Variants in ZBTB7C observed in about 807,000 individuals in gnomAD.
ZBTB7C encodes zinc finger and BTB domain-containing protein 7C.
ZBTB7C carries 8 observed loss-of-function variants against 25.7 expected under a neutral mutation model. The ratio of observed to expected loss-of-function variants is 0.31; its 90% CI spans 0.18 to 0.56. ZBTB7C has a LOEUF of 0.56. ZBTB7C is among the 20% of genes least tolerant of loss of function. ZBTB7C has a pLI of 0.91. For synonymous variants in ZBTB7C, 394 were observed against 369.0 expected, an observed-to-expected ratio of 1.07 and a Z score of -0.78; for missense variants, 824 against 855.2, an observed-to-expected ratio of 0.96 and a Z score of 0.46.
At chr18:48,098,284 C>G (rs769006911) in intron 3 of ZBTB7C, among the ~76,000 whole-genome samples, 4 of 152,192 alleles carry the variant, frequency 2.6e-5, no homozygotes, top group Non-Finnish European at 5.9e-5. Flanking sequence ...GACCAGGTCA[C>G]TGTATGGGGA....
At chr18:48,172,265 G>A (rs1468212242) in intron 3 of ZBTB7C, among the ~76,000 whole-genome samples, 1 of 152,216 alleles carries the variant, frequency 6.6e-6, no homozygotes, top group East Asian at 1.9e-4. Context: ...TGGGTGGGAA[G>A]ATGGGTCTGC....
rs148993136 is a variant in ZBTB7C, at chr18:48,229,851, G to A, written c.-78-43856C>T. ...GGCAGGTGTGGGGCACTGAGGGGGT[G>A]GCCAAGGGGGAACAAGGCTTTCCTT... On this transcript the variant is annotated intron_variant, in intron 2 of 4. Transcript: ENST00000590800. Among the ~76,000 whole-genome samples, 597 of 152,220 alleles carry A rather than the reference G, an allele frequency of 3.9e-3. 1 individual carries two copies. Among genetic ancestry groups the A allele is most frequent in the African/African-American group, 0.013 (560 of 41,550 alleles).
At chr18:48,391,237 C>T (rs534678572) in intron 1 of ZBTB7C, among the ~76,000 whole-genome samples, 65 of 152,318 alleles carry the variant, frequency 4.3e-4, no homozygotes, top group African/African-American at 1.5e-3. Context: ...CCACGGGCCC[C>T]GGCAGGCTGA....
At position 48,040,070 on chromosome 18, in the gene ZBTB7C, G is replaced by A. The variant is rs2036150322; in HGVS notation, c.1038C>T (p.Leu346=). ...CTTCTACCAGGGGCCAGGGTGGGAA[G>A]AGGCCTCCCAGGTGGGTGGCACTCA... ...NFLSATHLGG[L]FPPWPLVEER... Residue 346 remains leucine (L), a synonymous_variant, in exon 4 of 5, where the codon CTC becomes CTT. Transcript: ENST00000590800. 1 of 1,613,370 alleles carries A rather than the reference G, an allele frequency of 6.2e-7. No individual in the cohort carries two copies. The highest frequency in any genetic ancestry group is 8.5e-7 in the Non-Finnish European group (1 of 1,179,594).
chr18:48,265,437 G>T (rs1398564321), intron 2 of ZBTB7C, among the ~76,000 whole-genome samples: 2 of 152,144 alleles, frequency 1.3e-5, no homozygotes, highest in Non-Finnish European at 2.9e-5. Context: ...GTTCATCTCG[G>T]ATTTTCGCTT....
chr18:48,259,401 C>A (rs1275534912), intron 2 of ZBTB7C, among the ~76,000 whole-genome samples: 1 of 147,786 alleles, frequency 6.8e-6, no homozygotes, highest in African/African-American at 2.6e-5. Flanking sequence ...CAAAAGGGAC[C>A]ACTGTCCTTA....
At chr18:48,268,929 T>C (rs1598741832) in intron 2 of ZBTB7C, among the ~76,000 whole-genome samples, 1 of 151,954 alleles carries the variant, frequency 6.6e-6, no homozygotes, top group Non-Finnish European at 1.5e-5. Context: ...ACCAGCAGAT[T>C]TGATGTCTAG....
chr18:48,400,426 G>A (rs528266138), intron 1 of ZBTB7C, among the ~76,000 whole-genome samples: 3 of 152,362 alleles, frequency 2.0e-5, no homozygotes, highest in Admixed American at 6.5e-5. Context: ...AAAGAGGAAT[G>A]GTTCCCTGGG....
intron 2 of ZBTB7C, among the ~76,000 whole-genome samples, chr18:48,188,945 T>C (rs2042129006): frequency 6.6e-6 from 1 of 152,238 alleles, no homozygotes; most frequent in Non-Finnish European, 1.5e-5. Flanking sequence ...CCACAGCCCG[T>C]AATCAATCAC....
At chr18:48,062,327 C>T (rs2037157183) in intron 3 of ZBTB7C, among the ~76,000 whole-genome samples, 1 of 151,970 alleles carries the variant, frequency 6.6e-6, no homozygotes, top group Admixed American at 6.6e-5. Flanking sequence ...CTCCCTCTCC[C>T]CAGGGAGGAC....
chr18:48,399,244 G>A (rs554940821), intron 1 of ZBTB7C, among the ~76,000 whole-genome samples: 3 of 152,340 alleles, frequency 2.0e-5, no homozygotes, highest in South Asian at 4.1e-4. Context: ...ACCATTAATA[G>A]TGGCTGCCTC....
At chr18:48,311,949 C>A (rs2045830824) in intron 2 of ZBTB7C, among the ~76,000 whole-genome samples, 1 of 152,196 alleles carries the variant, frequency 6.6e-6, no homozygotes, top group Non-Finnish European at 1.5e-5. Context: ...GCTATTCTCC[C>A]ACCTACTTAA....
chr18:48,409,935 G>A (rs139636764), upstream of ZBTB7C, among the ~76,000 whole-genome samples: 1 of 149,466 alleles, frequency 6.7e-6, no homozygotes, highest in Admixed American at 6.6e-5. Context: ...CCCAGCGCAG[G>A]CTTGGGACCG....
chr18:48,334,321 G>A (rs2046410091), intron 2 of ZBTB7C, among the ~76,000 whole-genome samples: 1 of 152,142 alleles, frequency 6.6e-6, no homozygotes, highest in African/African-American at 2.4e-5. Context: ...TTAATTCAGA[G>A]GCACTCACCC....
chr18:48,382,506 G>C (rs547059526), intron 1 of ZBTB7C, among the ~76,000 whole-genome samples: 85 of 152,262 alleles, frequency 5.6e-4, no homozygotes, highest in African/African-American at 1.9e-3. Flanking sequence ...TTATAAAAAC[G>C]CTTCTTCAAA....
intron 2 of ZBTB7C, among the ~76,000 whole-genome samples, chr18:48,333,686 G>C (rs62086491): frequency 5.2e-3 from 785 of 152,276 alleles, no homozygotes; most frequent in Non-Finnish European, 9.1e-3. Context: ...TTTAGGATTC[G>C]TGACAGCCTT....
At chr18:48,374,473 T>C (rs1485107600) in intron 1 of ZBTB7C, among the ~76,000 whole-genome samples, 1 of 152,182 alleles carries the variant, frequency 6.6e-6, no homozygotes, top group African/African-American at 2.4e-5. Context: ...GGTGAGGCAG[T>C]CCATTCTTCC....
intron 2 of ZBTB7C, among the ~76,000 whole-genome samples, chr18:48,291,815 T>C (rs977960857): frequency 6.6e-6 from 1 of 152,176 alleles, no homozygotes; most frequent in South Asian, 2.1e-4. Flanking sequence ...CCAAGCTTTC[T>C]GGAGTTTGGA....
intron 1 of ZBTB7C, among the ~76,000 whole-genome samples, chr18:48,401,043 G>A (rs2048145759): frequency 6.6e-6 from 1 of 152,178 alleles, no homozygotes; most frequent in South Asian, 2.1e-4. Flanking sequence ...ATTTTAACAA[G>A]TGCATCTCTC....
Sources: gnomAD v4.1 joint callset for allele counts (sites outside exome capture counted in the v4.1 genomes callset) on GRCh38, gnomAD v4.1.1 for gene constraint, MANE v1.5 for transcripts, NCBI Gene and HGNC (gene_info 2026-07-23, HGNC 2026-07-21) for gene names.